COG5: variants seen among roughly 807,000 people sequenced by gnomAD.
The protein encoded by COG5 is conserved oligomeric Golgi complex subunit 5.
Under a neutral mutation model 110.4 loss-of-function variants are expected in COG5, and 86 were observed. The observed-to-expected ratio is 0.78, with a 90% CI of 0.65 to 0.93. The LOEUF (loss-of-function observed/expected upper bound fraction) is 0.93. Ranked by LOEUF, COG5 falls within the 40% of genes least tolerant of loss-of-function variation. The pLI is 0.00. For missense variants in COG5, 1,077 were observed against 987.0 expected (o/e 1.09, Z -1.22); for synonymous variants, 360 against 334.6 (o/e 1.08, Z -0.83).
At chr7:107,400,011 A>C (rs1791308823) in intron 7 of COG5, among the ~76,000 whole-genome samples, 1 of 152,208 alleles carries the variant, frequency 6.6e-6, no homozygotes, top group Non-Finnish European at 1.5e-5. Flanking sequence ...TTCTCTTTAA[A>C]AAGTAAACAT....
At chr7:107,294,915 GTGTGTGTGTA>G (rs1408233732) in intron 12 of COG5, among the ~76,000 whole-genome samples, 22 of 87,028 alleles carry the variant, frequency 2.5e-4, no homozygotes, top group East Asian at 1.9e-3. Context: ...GTGTGTGTGT[GTGTGTGTGTA>G]TATATACACA....
chr7:107,225,300 AC>A (rs1412781780), intron 19 of COG5, among the ~76,000 whole-genome samples: 21 of 152,104 alleles, frequency 1.4e-4, no homozygotes, highest in African/African-American at 4.8e-4. Context: ...TTTTTTTATT[AC>A]TTTTTAGCTC....
intron 6 of COG5, among the ~76,000 whole-genome samples, chr7:107,469,270 A>G (rs1796491490): frequency 6.6e-6 from 1 of 152,002 alleles, no homozygotes; most frequent in African/African-American, 2.4e-5. Context: ...AAAATAGAAT[A>G]AGCCAATTGA....
At chr7:107,526,283 C>G (rs1800733178) in intron 6 of COG5, among the ~76,000 whole-genome samples, 1 of 152,070 alleles carries the variant, frequency 6.6e-6, no homozygotes, top group African/African-American at 2.4e-5. Flanking sequence ...AGTGGGTACC[C>G]AGTGAAAAGA....
At chr7:107,403,675 G>C (rs1791604558) in intron 7 of COG5, among the ~76,000 whole-genome samples, 1 of 151,992 alleles carries the variant, frequency 6.6e-6, no homozygotes, top group Admixed American at 6.6e-5. Context: ...AGAAGGAGAG[G>C]GGAAGGTAGA....
chr7:107,528,820 C>A (rs1402471516), intron 5 of COG5, among the ~76,000 whole-genome samples: 1 of 152,058 alleles, frequency 6.6e-6, no homozygotes, highest in African/African-American at 2.4e-5. Flanking sequence ...TATAAACATT[C>A]TTTTATGGGT....
intron 18 of COG5, among the ~76,000 whole-genome samples, chr7:107,232,400 C>CCT (rs1335085521): frequency 1.3e-5 from 2 of 152,084 alleles, no homozygotes; most frequent in Non-Finnish European, 2.9e-5. Flanking sequence ...CATTCAAATA[C>CCT]CTCTCTCTAT....
At chr7:107,317,463 T>C (rs573859200) in intron 11 of COG5, among the ~76,000 whole-genome samples, 2 of 152,316 alleles carry the variant, frequency 1.3e-5, no homozygotes, top group Admixed American at 6.5e-5. Context: ...AACATCCTGT[T>C]ACATTCACAT....
At chr7:107,252,063 A>G (rs1184059441) in intron 16 of COG5, among the ~76,000 whole-genome samples, 2 of 152,152 alleles carry the variant, frequency 1.3e-5, no homozygotes, top group Non-Finnish European at 2.9e-5. Flanking sequence ...CATCAAAAAG[A>G]TAGTTAAGTG....
chr7:107,299,038 T>A (rs1332947071), intron 11 of COG5, among the ~76,000 whole-genome samples: 1 of 151,946 alleles, frequency 6.6e-6, no homozygotes, highest in East Asian at 1.9e-4. Flanking sequence ...ACCAAAGGAG[T>A]ACTTGGGGGA....
chr7:107,295,062 C>CATAT (rs1806586080), intron 12 of COG5, among the ~76,000 whole-genome samples: 1 of 56,206 alleles, frequency 1.8e-5, no homozygotes, highest in African/African-American at 1.4e-4. Context: ...CACACACACA[C>CATAT]ACACATATAT....
At chr7:107,561,038 A>G (rs1803730541) in intron 1 of COG5, among the ~76,000 whole-genome samples, 1 of 152,056 alleles carries the variant, frequency 6.6e-6, no homozygotes, top group South Asian at 2.1e-4. Context: ...TCAGGGAGAA[A>G]GAGAAACAAA....
intron 12 of COG5, 148 bp from the exon 13 acceptor site, chr7:107,283,880 G>A (rs1010835149): frequency 1.6e-5 from 10 of 629,862 alleles, no homozygotes; most frequent in South Asian, 1.1e-4. Flanking sequence ...GTTTCACAAC[G>A]TACATATTTA....
intron 16 of COG5, among the ~76,000 whole-genome samples, chr7:107,249,531 T>G (rs1162475480): frequency 1.3e-5 from 2 of 152,014 alleles, no homozygotes; most frequent in Non-Finnish European, 1.5e-5. Context: ...TGTAAATATA[T>G]TATACACACT....
At chr7:107,495,938 C>T (rs574805102) in intron 6 of COG5, among the ~76,000 whole-genome samples, 11 of 141,918 alleles carry the variant, frequency 7.8e-5, no homozygotes, top group African/African-American at 2.5e-4. Context: ...TTTATTTTTA[C>T]TCATTTTTTA....
intron 7 of COG5, among the ~76,000 whole-genome samples, chr7:107,385,967 T>C (rs2129054734): frequency 6.8e-6 from 1 of 146,852 alleles, no homozygotes; most frequent in Non-Finnish European, 1.5e-5. Context: ...TTAAGTCTTT[T>C]GCCCAGCTTT....
chr7:107,361,951 G>T, intron 10 of COG5, 82 bp downstream of exon 10: 1 of 865,076 alleles, frequency 1.2e-6, no homozygotes, highest in Non-Finnish European at 1.9e-6. Context: ...ACTCTATAAG[G>T]TAGTAGTAAC....
intron 7 of COG5, among the ~76,000 whole-genome samples, chr7:107,397,713 G>A (rs1791116224): frequency 6.6e-6 from 1 of 152,104 alleles, no homozygotes; most frequent in Admixed American, 6.5e-5. Flanking sequence ...CACAGTTGAT[G>A]AGTTAAAGTT....
intron 19 of COG5, among the ~76,000 whole-genome samples, chr7:107,216,080 G>A (rs1454167604): frequency 6.6e-6 from 1 of 151,976 alleles, no homozygotes. Flanking sequence ...CCATGCAAAT[G>A]GAAACTGAGA....
Sources: gnomAD v4.1 joint callset for allele counts (sites outside exome capture counted in the v4.1 genomes callset) on GRCh38, gnomAD v4.1.1 for gene constraint, MANE v1.5 for transcripts, NCBI Gene and HGNC (gene_info 2026-07-23, HGNC 2026-07-21) for gene names.